The following ENG variants were observed in gnomAD, a reference collection of about 807,000 sequenced individuals.
ENG encodes endoglin.
A neutral mutation model predicts 71.0 loss-of-function variants in ENG; 17 were observed. The observed-to-expected ratio is 0.24, with a 90% CI of 0.16 to 0.36. The LOEUF (loss-of-function observed/expected upper bound fraction) is 0.36, where lower values mean the gene tolerates loss of function less well. Among genes scored for constraint, ENG ranks in the 10% least tolerant of loss-of-function variants. ENG has a pLI of 1.00. For synonymous variants in ENG, 360 were observed against 366.9 expected (o/e 0.98, Z 0.21); for missense variants, 749 against 868.3 (o/e 0.86, Z 1.73).
At chr9:127,852,326 C>T (rs1224912629) in intron 1 of ENG, among the ~76,000 whole-genome samples, 2 of 152,138 alleles carry the variant, frequency 1.3e-5, no homozygotes, top group African/African-American at 4.8e-5. Context: ...AAGTGGTGCC[C>T]CCAAATTCTA....
intron 3 of ENG, among the ~76,000 whole-genome samples, chr9:127,828,101 C>T (rs1432680660): frequency 2.0e-5 from 3 of 150,980 alleles, no homozygotes; most frequent in African/African-American, 7.3e-5. Flanking sequence ...TAAGCCAGGT[C>T]GCCTGGCCCA....
intron 1 of ENG, among the ~76,000 whole-genome samples, chr9:127,845,012 C>G (rs905315907): frequency 6.6e-6 from 1 of 152,176 alleles, no homozygotes; most frequent in Non-Finnish European, 1.5e-5. Flanking sequence ...CCTGACCCAG[C>G]AGGGTCGGAA....
intron 2 of ENG, among the ~76,000 whole-genome samples, chr9:127,834,251 A>G (rs777802301): frequency 7.2e-6 from 1 of 138,478 alleles, no homozygotes; most frequent in African/African-American, 2.7e-5. Context: ...TTTTGTATAT[A>G]TATATTTTTG....
At position 127,836,115 on chromosome 9, in the gene ENG, G is replaced by A. The variant is rs932353355; in HGVS notation, c.220-6288C>T. 3.3e-5 allele frequency among the ~76,000 whole-genome samples: 5 copies of A among 152,160 alleles called. No homozygotes were observed. The highest frequency in any genetic ancestry group is 1.9e-4 in the East Asian group (1 of 5,190). On this transcript the variant is annotated intron_variant, in intron 2 of 14. Transcript: ENST00000373203. This position sits in a 1 kb window ranked among gnomAD's most constrained non-coding sequence, Gnocchi z 4.0. ...CCCCACGGCCCTGACTCACCGCCACGGCCACTCACACGCACACCGACTTCC... is the reference window on the plus strand; with the variant it reads ...CCCCACGGCCCTGACTCACCGCCACAGCCACTCACACGCACACCGACTTCC...
Position 127,818,237 on chromosome 9 carries a change from G to T in ENG, c.1569C>A (p.Ser523Arg). 6.2e-7 allele frequency: 1 copy of T among 1,614,210 alleles called. No individual in the cohort carries two copies. Among genetic ancestry groups the T allele is most frequent in the Non-Finnish European group, 8.5e-7 (1 of 1,180,030 alleles). Residue 523 changes from serine (S) to arginine (R), a missense_variant, in exon 12 of 15, where the codon AGC becomes AGA. Physicochemically the swap from Ser to Arg is moderately radical, Grantham distance 110 (BLOSUM62 -1). Coordinates refer to ENST00000373203, the MANE Select transcript of ENG (RefSeq NM_001114753.3). ...AGCTGAAGCGCGGGTCACCCTCGGGGCTTGGGGACAGCAGGCTCACACAGT... is the reference window on the plus strand; with the variant it reads ...AGCTGAAGCGCGGGTCACCCTCGGGTCTTGGGGACAGCAGGCTCACACAGT... Reference protein sequence around the residue: ...KGNCVSLLSPSPEGDPRFSFL... With the variant: ...KGNCVSLLSPRPEGDPRFSFL...
chr9:127,825,046 A>T (rs1242102404), intron 6 of ENG, 72 bp from the exon 7 acceptor site: 1 of 1,590,662 alleles, frequency 6.3e-7, no homozygotes, highest in Admixed American at 1.7e-5. Flanking sequence ...AGCCAGGGTT[A>T]TGCCAGGCCT....
chr9:127,825,570 C>T, intron 5 of ENG, 125 bp downstream of exon 5: 2 of 1,215,816 alleles, frequency 1.6e-6, no homozygotes, highest in South Asian at 1.5e-5. Flanking sequence ...TCTCACAGGG[C>T]TGCGGCGGGG....
chr9:127,840,480 C>T (rs1831004810), intron 2 of ENG, among the ~76,000 whole-genome samples: 1 of 152,192 alleles, frequency 6.6e-6, no homozygotes, highest in Non-Finnish European at 1.5e-5. Context: ...CCTGTAATCC[C>T]AGCTACAGGA....
At chr9:127,833,189 T>C (rs998639472) in intron 2 of ENG, among the ~76,000 whole-genome samples, 4 of 152,166 alleles carry the variant, frequency 2.6e-5, no homozygotes, top group African/African-American at 9.7e-5. Flanking sequence ...CCTCAAAGAC[T>C]TTCTGAACTA....
rs1317576894 is a variant in ENG, at chr9:127,836,462, A to C, written c.219+6632T>G. ...AGTCGCTTCCAGCAATTCTTCTAGG[A>C]GTGGAGCCTCAGGGCTGCCTGCAGC... is the stretch of plus-strand genomic sequence containing the variant. On this transcript the variant is annotated intron_variant, in intron 2 of 14. Coordinates refer to ENST00000373203, the MANE Select transcript of ENG (RefSeq NM_001114753.3). This position sits in a 1 kb window ranked among gnomAD's most constrained non-coding sequence, Gnocchi z 4.0. Among the ~76,000 whole-genome samples the C allele has an allele frequency of 6.6e-6, 1 of 152,224 alleles. No homozygotes were observed. The highest frequency in any genetic ancestry group is 2.4e-5 in the African/African-American group (1 of 41,468).
At chr9:127,848,085 G>T (rs1831212636) in intron 1 of ENG, among the ~76,000 whole-genome samples, 1 of 152,118 alleles carries the variant, frequency 6.6e-6, no homozygotes, top group African/African-American at 2.4e-5. Context: ...CATGGAGTCG[G>T]CAAGCAGGCC....
intron 8 of ENG, chr9:127,822,649 C>T (rs1241726254): frequency 6.6e-6 from 1 of 152,118 alleles, no homozygotes; most frequent in African/African-American, 2.4e-5. Flanking sequence ...ATATTAGGTA[C>T]AGCTGTCAAA....
chr9:127,836,814 G>A lies in ENG; in HGVS notation c.219+6280C>T, dbSNP rs752990739. 7.2e-5 allele frequency among the ~76,000 whole-genome samples: 11 copies of A among 152,112 alleles called. No homozygotes were observed. The highest frequency in any genetic ancestry group is 1.3e-4 in the Non-Finnish European group (9 of 68,024). ...AGTTTGGCTTTTTTTTTGAGACACAGTCTTGCTCTGTCACTCAGGCTGGAG... is the reference window on the plus strand; with the variant it reads ...AGTTTGGCTTTTTTTTTGAGACACAATCTTGCTCTGTCACTCAGGCTGGAG... On this transcript the variant is annotated intron_variant, in intron 2 of 14. Transcript: ENST00000373203. The surrounding 1 kb of genome is among the most constrained non-coding windows in gnomAD (Gnocchi z 4.0).
At chr9:127,830,846 C>T (rs1484450442) in intron 2 of ENG, among the ~76,000 whole-genome samples, 1 of 151,950 alleles carries the variant, frequency 6.6e-6, no homozygotes, top group Non-Finnish European at 1.5e-5. Context: ...ATGAGACAGT[C>T]ACAATTGCTC....
At chr9:127,824,079 A>G (rs1000589360) in intron 8 of ENG, among the ~76,000 whole-genome samples, 1 of 152,326 alleles carries the variant, frequency 6.6e-6, no homozygotes, top group Non-Finnish European at 1.5e-5. Flanking sequence ...AGCACTTACT[A>G]TGTACCACAT....
At chr9:127,821,315 C>T (rs1830461339) in intron 8 of ENG, 1 of 152,100 alleles carries the variant, frequency 6.6e-6, no homozygotes, top group East Asian at 1.9e-4. Context: ...CCCATAGTCC[C>T]AGCTACTGGG....
At chr9:127,833,638 C>T (rs1489585977) in intron 2 of ENG, among the ~76,000 whole-genome samples, 2 of 151,102 alleles carry the variant, frequency 1.3e-5, no homozygotes, top group East Asian at 1.9e-4. Context: ...TGCTCTCATA[C>T]AAAAGCTGCC....
intron 2 of ENG, among the ~76,000 whole-genome samples, chr9:127,835,474 G>A (rs371282738): frequency 1.3e-4 from 20 of 152,230 alleles, no homozygotes; most frequent in African/African-American, 3.9e-4. Context: ...AGGCCCACAC[G>A]ATGAAGAGAT....
In ENG at chr9:127,825,454, G is replaced by T; in HGVS notation, c.690-97C>A. On this transcript the variant is annotated intron_variant, in intron 5 of 14. Transcript: ENST00000373203. ...TGGGCGGCGGCTGCACTCTTACCTG[G>T]CCAGGTGTGGGTTTATGGGATAGGG... is the stretch of plus-strand genomic sequence containing the variant. 2.5e-6 allele frequency: 4 copies of T among 1,573,440 alleles called. No homozygotes were observed. The East Asian group carries it at 6.7e-5, about 26-fold the overall frequency.
Sources: allele counts gnomAD v4.1 joint callset (sites outside exome capture counted in the v4.1 genomes callset), GRCh38; gene constraint gnomAD v4.1.1; non-coding constraint Gnocchi (gnomAD v3.1); transcripts MANE v1.5; gene names NCBI Gene and HGNC (gene_info 2026-07-23, HGNC 2026-07-21).